GRM7: variants seen among roughly 807,000 people sequenced by gnomAD.
GRM7 encodes metabotropic glutamate receptor 7.
A neutral mutation model predicts 84.5 loss-of-function variants in GRM7; 35 were observed. The ratio of observed to expected loss-of-function variants is 0.41; its 90% confidence interval spans 0.32 to 0.55. The LOEUF (loss-of-function observed/expected upper bound fraction) is 0.55. GRM7 is among the 20% of genes least tolerant of loss of function. The pLI, the probability that GRM7 is intolerant of heterozygous loss-of-function variation, is 0.19. For missense variants in GRM7, 1,003 were observed against 1,194.6 expected (o/e 0.84, Z 2.36); for synonymous variants, 487 against 455.1 (o/e 1.07, Z -0.89).
At chr3:7,200,738 C>T (rs145866301) in intron 2 of GRM7, among the ~76,000 whole-genome samples, 23 of 152,296 alleles carry the variant, frequency 1.5e-4, no homozygotes, top group Non-Finnish European at 3.1e-4. Context: ...CTTTGTGGAT[C>T]ACTGCCTTAG....
At chr3:7,546,379 A>G (rs1693151218) in intron 7 of GRM7, among the ~76,000 whole-genome samples, 7 of 152,182 alleles carry the variant, frequency 4.6e-5, no homozygotes, top group Admixed American at 3.3e-4. Flanking sequence ...AAGGAAAACA[A>G]TTGTGCTAGT....
intron 7 of GRM7, among the ~76,000 whole-genome samples, chr3:7,575,884 A>G (rs1694939415): frequency 6.6e-6 from 1 of 152,214 alleles, no homozygotes; most frequent in Non-Finnish European, 1.5e-5. Context: ...CAGCATTGCC[A>G]GGTATTTTAT....
At chr3:7,620,942 G>C (rs186896522) in intron 8 of GRM7, among the ~76,000 whole-genome samples, 1 of 151,950 alleles carries the variant, frequency 6.6e-6, no homozygotes, top group African/African-American at 2.4e-5. Context: ...CCACAGGAGA[G>C]TGGGGAGAAA....
At chr3:7,261,902 C>CTCCCTCCCTCCCTTCCT (rs1553639174) in intron 2 of GRM7, among the ~76,000 whole-genome samples, 1 of 82,852 alleles carries the variant, frequency 1.2e-5, no homozygotes, top group Non-Finnish European at 2.2e-5. Flanking sequence ...CCCTCCCTCC[C>CTCCCTCCCTCCCTTCCT]TCCCTCCCTC....
At chr3:7,267,175 T>A (rs942273274) in intron 2 of GRM7, among the ~76,000 whole-genome samples, 1 of 152,362 alleles carries the variant, frequency 6.6e-6, no homozygotes, top group Non-Finnish European at 1.5e-5. Context: ...CGAAGTTCAC[T>A]GATTGATACT....
chr3:7,674,131 A>G (rs969527086), intron 8 of GRM7, among the ~76,000 whole-genome samples: 2 of 152,090 alleles, frequency 1.3e-5, no homozygotes, highest in Non-Finnish European at 2.9e-5. Flanking sequence ...GACAATATAC[A>G]CTATGAAGAA....
intron 4 of GRM7, among the ~76,000 whole-genome samples, chr3:7,403,403 A>C (rs1325365854): frequency 6.6e-6 from 1 of 151,422 alleles, no homozygotes; most frequent in Admixed American, 6.6e-5. Flanking sequence ...GTGGAAACAT[A>C]AATTTCACCC....
chr3:6,972,888 A>G (rs186628224), intron 1 of GRM7, among the ~76,000 whole-genome samples: 150 of 152,342 alleles, frequency 9.8e-4, no homozygotes, highest in African/African-American at 3.4e-3. Context: ...CTGGGCAGCA[A>G]GGCATTTCTT....
In GRM7 at chr3:6,866,329, T is replaced by C. The variant is rs77883821; in HGVS notation, c.519+4422T>C. Among the ~76,000 whole-genome samples, 636 of 152,200 alleles carry C rather than the reference T, an allele frequency of 4.2e-3. 3 individuals carry two copies. The highest frequency in any genetic ancestry group is 6.8e-3 in the Middle Eastern group (2 of 294). On this transcript the variant is annotated intron_variant, in intron 1 of 9. Transcript: ENST00000357716. Reference sequence around the variant, plus strand: ...TCTCTTAATTTTTCTAGGCTTCATTTGCCTTATCTGCTTTTTTTTTTTTCT... The same window carrying C: ...TCTCTTAATTTTTCTAGGCTTCATTCGCCTTATCTGCTTTTTTTTTTTTCT...
chr3:7,537,368 G>C, intron 7 of GRM7, among the ~76,000 whole-genome samples: 1 of 152,156 alleles, frequency 6.6e-6, no homozygotes, highest in African/African-American at 2.4e-5. Flanking sequence ...TTAGCAAAGG[G>C]ACAATGAATC....
At chr3:7,698,124 C>T (rs1033363719) in intron 9 of GRM7, among the ~76,000 whole-genome samples, 1 of 152,128 alleles carries the variant, frequency 6.6e-6, no homozygotes, top group East Asian at 1.9e-4. Flanking sequence ...TTACTCTTTG[C>T]CAGGCATTAT....
chr3:7,326,170 C>G (rs1346515565), intron 4 of GRM7, among the ~76,000 whole-genome samples: 1 of 132,104 alleles, frequency 7.6e-6, no homozygotes, highest in Non-Finnish European at 1.6e-5. Flanking sequence ...CAACAGTAGG[C>G]AAAAAAAAAA....
At chr3:7,462,170 C>T (rs911060490) in intron 7 of GRM7, among the ~76,000 whole-genome samples, 12 of 152,084 alleles carry the variant, frequency 7.9e-5, no homozygotes, top group African/African-American at 2.4e-4. Context: ...AATTGCAGTG[C>T]TTCCATTTCT....
intron 8 of GRM7, among the ~76,000 whole-genome samples, chr3:7,584,308 T>C (rs2125057754): frequency 6.6e-6 from 1 of 152,316 alleles, no homozygotes; most frequent in East Asian, 1.9e-4. Flanking sequence ...CTTTTCCATA[T>C]AGTGGGTCAA....
At chr3:7,706,896 G>A (rs1701407610) in intron 9 of GRM7, among the ~76,000 whole-genome samples, 2 of 152,118 alleles carry the variant, frequency 1.3e-5, no homozygotes, top group Admixed American at 1.3e-4. Context: ...TATCTGGCTA[G>A]GAGGAGGCAC....
chr3:7,716,693 T>C (rs1701781928), intron 9 of GRM7, among the ~76,000 whole-genome samples: 1 of 152,192 alleles, frequency 6.6e-6, no homozygotes, highest in African/African-American at 2.4e-5. Context: ...TGCTGATTGA[T>C]TTTGTTTTTA....
chr3:7,393,908 T>C (rs192273214), intron 4 of GRM7, among the ~76,000 whole-genome samples: 1 of 152,300 alleles, frequency 6.6e-6, no homozygotes, highest in African/African-American at 2.4e-5. Flanking sequence ...CAGATTCTTG[T>C]TGAAGTGGTA....
intron 3 of GRM7, among the ~76,000 whole-genome samples, chr3:7,303,933 C>T (rs1575142936): frequency 2.7e-5 from 4 of 146,250 alleles, no homozygotes; most frequent in Non-Finnish European, 1.5e-5. Context: ...CCTGTAGCTT[C>T]TTTTTTTTTT....
intron 2 of GRM7, among the ~76,000 whole-genome samples, chr3:7,198,240 A>AG (rs1240394612): frequency 2.0e-5 from 3 of 152,200 alleles, no homozygotes; most frequent in Non-Finnish European, 4.4e-5. Context: ...GCAACAGCAC[A>AG]GATGAATCTT....
Sources: gnomAD v4.1 joint callset for allele counts (sites outside exome capture counted in the v4.1 genomes callset) on GRCh38, gnomAD v4.1.1 for gene constraint, MANE v1.5 for transcripts, NCBI Gene and HGNC (gene_info 2026-07-23, HGNC 2026-07-21) for gene names.